ADAMTS7: variants seen among roughly 807,000 people sequenced by gnomAD.
ADAMTS7 encodes ADAM metallopeptidase with thrombospondin type 1 motif 7, also known as A disintegrin and metalloproteinase with thrombospondin motifs 7.
In ADAMTS7, 89 loss-of-function variants were observed where a neutral mutation model predicts 172.6. The ratio of observed to expected loss-of-function variants is 0.52; its 90% CI spans 0.43 to 0.61. ADAMTS7 has a LOEUF of 0.61. ADAMTS7 is among the 20% of genes least tolerant of loss of function. The pLI, the probability that ADAMTS7 is intolerant of heterozygous loss-of-function variation, is 0.00. For synonymous variants in ADAMTS7, 885 were observed against 978.4 expected, an observed-to-expected ratio of 0.90 and a Z score of 1.78; for missense variants, 1,973 against 2,355.6, an observed-to-expected ratio of 0.84 and a Z score of 3.36.
chr15:78,782,672 G>A (rs2055444479), intron 8 of ADAMTS7, among the ~76,000 whole-genome samples: 1 of 152,164 alleles, frequency 6.6e-6, no homozygotes, highest in Non-Finnish European at 1.5e-5. Context: ...ACTTGGTAGA[G>A]TGATAAAAGC....
In ADAMTS7 at chr15:78,771,712, T is replaced by C. The variant is rs1177535211; in HGVS notation, c.2249A>G (p.Asn750Ser). ...RSEDPEKYFL[N>S]GGWTIQWNGD... The stretch of plus-strand genomic sequence containing the variant: ...GTTCCACTGGATGGTCCAGCCACCA[T>C]TGAGGAAGTACTTCTCCGGGTCCTC... The change falls in exon 15 of 24, where the codon AAT becomes AGT. Residue 750 changes from asparagine to serine, a missense_variant. By Grantham distance (46) the Asn-to-Ser change is conservative. This residue lies in a region of ADAMTS7 where 771 missense variants were observed against 952.6 expected (regional missense o/e 0.81). Transcript: ENST00000388820. This position sits in a 1 kb window ranked among gnomAD's most constrained non-coding sequence, Gnocchi z 4.9. 1.4e-5 allele frequency: 22 copies of C among 1,608,672 alleles called. No individual in the cohort carries two copies. The highest frequency in any genetic ancestry group is 4.5e-5 in the East Asian group (2 of 44,878).
At chr15:78,768,047 A>AC in intron 17 of ADAMTS7, 86 bp downstream of exon 17, 1 of 516,720 alleles carries the variant, frequency 1.9e-6, no homozygotes, top group South Asian at 2.0e-5. Flanking sequence ...TTGGCGGGGG[A>AC]TGGGGTGGGG....
rs1421008004 is a variant in ADAMTS7 at position 78,798,061 on chromosome 15, C to G, written c.509G>C (p.Ser170Thr). Residue 170 changes from serine (S) to threonine (T), a missense_variant, in exon 3 of 24, where the codon AGT (serine) becomes ACT (threonine). Ser to Thr is a moderately conservative substitution (Grantham distance 58, BLOSUM62 1). This residue lies in a region of ADAMTS7 where 306 missense variants were observed against 288.0 expected (regional missense o/e 1.06). Transcript: ENST00000388820. Reference sequence around the variant, plus strand: ...GGCGTGGCCAGGCCGGGCCGGGGCACTGTCCAGGGGCTCAATGAAGTAGTC... The same window carrying G: ...GGCGTGGCCAGGCCGGGCCGGGGCAGTGTCCAGGGGCTCAATGAAGTAGTC... Reference protein sequence around the residue: ...NEDYFIEPLDSAPARPGHAQP... With the variant: ...NEDYFIEPLDTAPARPGHAQP... 6.4e-7 allele frequency: 1 copy of G among 1,570,990 alleles called. No homozygotes were observed. Among genetic ancestry groups the G allele is most frequent in the South Asian group, 1.2e-5 (1 of 84,752 alleles).
Position 78,766,289 on chromosome 15 carries a change from G to C in ADAMTS7, c.3622C>G (p.Pro1208Ala), listed in dbSNP as rs757250479. 3 of 1,611,680 alleles carry C rather than the reference G, an allele frequency of 1.9e-6. No homozygotes were observed. Among genetic ancestry groups the C allele is most frequent in the South Asian group, 1.1e-5 (1 of 91,024 alleles). ...TCATTGGTCCTGTCCCGCCATGGAG[G>C]GGGCAGCTGGCTCTGGCTGTCCTTG... ...VGKDSQSQLPPPWRDRTNEVF... is the reference protein window; with the variant it reads ...VGKDSQSQLPAPWRDRTNEVF... The change falls in exon 19 of 24, where the codon CCT becomes GCT. Residue 1208 changes from proline to alanine, a missense_variant. This residue lies in a region of ADAMTS7 where 771 missense variants were observed against 952.6 expected (regional missense o/e 0.81). Coordinates refer to ENST00000388820, the MANE Select transcript of ADAMTS7 (RefSeq NM_014272.5).
Position 78,783,552 on chromosome 15 carries a change from AC to A in ADAMTS7, c.1322+4678del, listed in dbSNP as rs550069404. On this transcript the variant is annotated intron_variant, in intron 8 of 23. Transcript: ENST00000388820. Reference sequence around the variant, plus strand: ...CTTAGCCTCCCAAAGTGCTGGGATTACAGGCGTGAGCCACCACGCCTGGCCA... The same window carrying A: ...CTTAGCCTCCCAAAGTGCTGGGATTAAGGCGTGAGCCACCACGCCTGGCCA... 1.5e-3 allele frequency among the ~76,000 whole-genome samples: 224 copies of A among 152,268 alleles called. 1 individual carries two copies. In the South Asian group the frequency reaches 0.018, roughly 12 times the overall value.
Position 78,768,191 on chromosome 15 carries a change from G to C in ADAMTS7, c.2587C>G (p.Pro863Ala), listed in dbSNP as rs2055191360. ...AGPVDEEHCDPLGRPDDQQRK... is the reference protein window; with the variant it reads ...AGPVDEEHCDALGRPDDQQRK... ...TGTTGGTCATCAGGCCGGCCCAGGG[G>C]GTCACAGTGCTCCTCGTCCACGGGC... The change falls in exon 17 of 24, where the codon CCC becomes GCC. Residue 863 changes from proline (P) to alanine (A), a missense_variant. This residue lies in a region of ADAMTS7 where 771 missense variants were observed against 952.6 expected (regional missense o/e 0.81). Coordinates refer to ENST00000388820, the MANE Select transcript of ADAMTS7 (RefSeq NM_014272.5). 6.2e-7 allele frequency: 1 copy of C among 1,610,012 alleles called. No individual in the cohort carries two copies. Among genetic ancestry groups the C allele is most frequent in the Non-Finnish European group, 8.5e-7 (1 of 1,179,456 alleles).
rs2055257344 is a variant in ADAMTS7 at position 78,771,886 on chromosome 15, C to T, written c.2132-57G>A. 1.3e-6 allele frequency: 2 copies of T among 1,570,600 alleles called. No individual in the cohort carries two copies. Among genetic ancestry groups the T allele is most frequent in the South Asian group, 1.2e-5 (1 of 85,340 alleles). On this transcript the variant is annotated intron_variant, in intron 14 of 23. Transcript: ENST00000388820. This position sits in a 1 kb window ranked among gnomAD's most constrained non-coding sequence, Gnocchi z 4.9. ...CCAGGGTGAGAGGGTTGCTTATCCC[C>T]ACCCGCTCCCCTCATGTCTCTCCCC...
chr15:78,759,341 A>G lies in ADAMTS7; in HGVS notation c.*80T>C, dbSNP rs1216968939. ...GTAGTGAGAGGGGGTTAGCACCATT[A>G]GGGCGCAGGGGGCGGGAGCTCCGCC... On this transcript the variant is annotated 3_prime_UTR_variant, in exon 24 of 24. Coordinates refer to ENST00000388820, the MANE Select transcript of ADAMTS7 (RefSeq NM_014272.5). 8.4e-6 allele frequency: 12 copies of G among 1,426,036 alleles called. No homozygotes were observed. The highest frequency in any genetic ancestry group is 4.7e-5 in the Admixed American group (2 of 42,658). 88.3% of individuals were successfully genotyped at this position (1,426,036 alleles called of 1,614,324 possible).
chr15:78,806,070 A>T lies in ADAMTS7; in HGVS notation c.100+5051T>A, dbSNP rs576511430. On this transcript the variant is annotated intron_variant, in intron 1 of 23. Transcript: ENST00000388820. ...ACTCCAGCCTGGATGACAGAGCGAG[A>T]CTCTGACTCCCCCCCCCAAAAACAC... 8.2e-5 allele frequency among the ~76,000 whole-genome samples: 6 copies of T among 73,316 alleles called. No individual in the cohort carries two copies. The East Asian group carries it at 1.8e-3, about 22-fold the overall frequency. 48.1% of individuals were successfully genotyped at this position (73,316 alleles called of 152,430 possible).
chr15:78,785,090 G>C (rs548677497), intron 8 of ADAMTS7, among the ~76,000 whole-genome samples: 1 of 152,272 alleles, frequency 6.6e-6, no homozygotes, highest in East Asian at 1.9e-4. Flanking sequence ...GGAGGACACA[G>C]GGAAGTTGGG....
intron 14 of ADAMTS7, among the ~76,000 whole-genome samples, chr15:78,772,325 A>G (rs7174367): frequency 0.29 from 43,941 of 151,846 alleles, 7,802 homozygotes; most frequent in Non-Finnish European, 0.42. Flanking sequence ...TGAGGCAGAC[A>G]GGGATAGTAA....
rs375080271 is a variant in ADAMTS7, at chr15:78,777,505, T to G, written c.1406A>C (p.Asp469Ala). Residue 469 changes from aspartate to alanine, a missense_variant, in exon 9 of 24, where the codon GAT becomes GCT. Physicochemically the swap from Asp to Ala is moderately radical, Grantham distance 126. This residue lies in a region of ADAMTS7 where 526 missense variants were observed against 662.9 expected (regional missense o/e 0.79). Coordinates refer to ENST00000388820, the MANE Select transcript of ADAMTS7 (RefSeq NM_014272.5). ...CTGGAGGCGGCACTGGTGGCTTACATCATAGAGGACGCCAGGTGGCACCGA... is the reference window on the plus strand; with the variant it reads ...CTGGAGGCGGCACTGGTGGCTTACAGCATAGAGGACGCCAGGTGGCACCGA... ...FPSVPPGVLYDVSHQCRLQYG... is the reference protein window; with the variant it reads ...FPSVPPGVLYAVSHQCRLQYG... The G allele has an allele frequency of 6.6e-5, 106 of 1,612,410 alleles. 2 individuals carry two copies. The highest frequency in any genetic ancestry group is 3.7e-4 in the Admixed American group (22 of 59,812).
Position 78,807,897 on chromosome 15 carries a change from C to T in ADAMTS7, c.100+3224G>A, listed in dbSNP as rs375759733. Among the ~76,000 whole-genome samples the T allele has an allele frequency of 5.3e-5, 8 of 151,592 alleles. No homozygotes were observed. The South Asian group carries it at 1.3e-3, about 24-fold the overall frequency. The stretch of plus-strand genomic sequence containing the variant: ...TCTTTTTTTTTTTTCTGAGATCTCC[C>T]AGGCTGGAGTGCAGTGATGCGATCG... On this transcript the variant is annotated intron_variant, in intron 1 of 23. Coordinates refer to ENST00000388820, the MANE Select transcript of ADAMTS7 (RefSeq NM_014272.5).
rs189215178 is a variant in ADAMTS7, at chr15:78,806,340, G to T, written c.100+4781C>A. 4.1e-4 allele frequency among the ~76,000 whole-genome samples: 63 copies of T among 152,240 alleles called. 1 individual carries two copies. The highest frequency in any genetic ancestry group is 8.5e-4 in the Admixed American group (13 of 15,280). On this transcript the variant is annotated intron_variant, in intron 1 of 23. Coordinates refer to ENST00000388820, the MANE Select transcript of ADAMTS7 (RefSeq NM_014272.5). ...ACAGTGAAGACAAGAAGGGCCTCAT[G>T]GTGGTAGGGGCACTGTGTGGTAAAC...
intron 4 of ADAMTS7, among the ~76,000 whole-genome samples, chr15:78,795,998 G>A (rs1344514374): frequency 6.6e-6 from 1 of 152,190 alleles, no homozygotes; most frequent in Non-Finnish European, 1.5e-5. Context: ...CATCCATCAT[G>A]TGGGGTCAAG....
At position 78,767,458 on chromosome 15, in the gene ADAMTS7, A is replaced by C; in HGVS notation, c.2780T>G (p.Leu927Arg). ...AGGGGTTTCAGTAGGGGGCCGGGGA[A>C]GGTGTTCACAGGCGGGTGGCTCCAG... is the stretch of plus-strand genomic sequence containing the variant. Reference protein sequence around the residue: ...SALEPPACEHLPRPPTETPCN... With the variant: ...SALEPPACEHRPRPPTETPCN... Residue 927 changes from leucine to arginine, a missense_variant, in exon 18 of 24, where the codon CTT becomes CGT. Leu to Arg is a moderately radical substitution (Grantham distance 102). This residue lies in a region of ADAMTS7 where 771 missense variants were observed against 952.6 expected (regional missense o/e 0.81). Coordinates refer to ENST00000388820, the MANE Select transcript of ADAMTS7 (RefSeq NM_014272.5). 1 of 1,611,778 alleles carries C rather than the reference A, an allele frequency of 6.2e-7. No homozygotes were observed. Among genetic ancestry groups the C allele is most frequent in the Non-Finnish European group, 8.5e-7 (1 of 1,179,794 alleles).
intron 1 of ADAMTS7, among the ~76,000 whole-genome samples, chr15:78,802,699 T>G (rs902288829): frequency 1.3e-5 from 2 of 152,110 alleles, no homozygotes; most frequent in African/African-American, 4.8e-5. Flanking sequence ...ATGCATAAAA[T>G]AAAATACACA....
chr15:78,788,383 G>A lies in ADAMTS7; in HGVS notation c.1179-9C>T, dbSNP rs778810990. ...CATGCTGAATGCCAAAACTGTGTGA[G>A]AGCACAGGCCCCAGGGGCGGGTGAG... On this transcript the variant is annotated splice_polypyrimidine_tract_variant and intron_variant, in intron 7 of 23. Transcript: ENST00000388820. 1 of 1,612,210 alleles carries A rather than the reference G, an allele frequency of 6.2e-7. No homozygotes were observed.
Position 78,788,400 on chromosome 15 carries a change from G to C in ADAMTS7, c.1179-26C>G, listed in dbSNP as rs370126023. The C allele has an allele frequency of 4.3e-6, 7 of 1,609,446 alleles. No individual in the cohort carries two copies. In the African/African-American group the frequency reaches 9.4e-5, roughly 22 times the overall value. ...CTGTGTGAGAGCACAGGCCCCAGGGGCGGGTGAGCCGGCGGGAGGCTGCCA... is the reference window on the plus strand; with the variant it reads ...CTGTGTGAGAGCACAGGCCCCAGGGCCGGGTGAGCCGGCGGGAGGCTGCCA... On this transcript the variant is annotated intron_variant, in intron 7 of 23. Coordinates refer to ENST00000388820, the MANE Select transcript of ADAMTS7 (RefSeq NM_014272.5).
Sources: allele counts gnomAD v4.1 joint callset (sites outside exome capture counted in the v4.1 genomes callset), GRCh38; gene constraint gnomAD v4.1.1; regional missense constraint gnomAD v4.1.1; non-coding constraint Gnocchi (gnomAD v3.1); transcripts MANE v1.5; gene names NCBI Gene and HGNC (gene_info 2026-07-23, HGNC 2026-07-21).